Variants in MAP6 observed in about 807,000 individuals in gnomAD.
MAP6 encodes the protein microtubule associated protein 6, also known as microtubule-associated protein 6.
MAP6 carries 26 observed loss-of-function variants against 42.4 expected under a neutral mutation model. The observed-to-expected ratio is 0.61, with a 90% confidence interval of 0.45 to 0.85. The LOEUF is 0.85. Among genes scored for constraint, MAP6 ranks in the 40% least tolerant of loss-of-function variants. The pLI, the probability that MAP6 is intolerant of heterozygous loss-of-function variation, is 0.00. For synonymous variants in MAP6, 418 were observed against 443.8 expected (o/e 0.94, Z 0.73); for missense variants, 966 against 1,099.0 (o/e 0.88, Z 1.71).
chr11:75,657,625 C>A (rs1943773738), intron 1 of MAP6, among the ~76,000 whole-genome samples: 1 of 152,206 alleles, frequency 6.6e-6, no homozygotes, highest in Non-Finnish European at 1.5e-5. Context: ...TGGCTTAAAG[C>A]AACACAGATT....
Position 75,607,430 on chromosome 11 carries a change from A to G in MAP6, c.1119+679T>C, listed in dbSNP as rs142680301. 3.0e-6 allele frequency: 3 copies of G among 985,470 alleles called. No homozygotes were observed. In the African/African-American group the frequency reaches 5.2e-5, roughly 17 times the overall value. The allele number at this position is 985,470 out of a possible 1,614,324, so 61.0% of individuals were successfully genotyped here. On this transcript the variant is annotated intron_variant, in intron 2 of 3. Transcript: ENST00000304771. Reference sequence around the variant, plus strand: ...TTATATGATTCCTGCTTCACCAGCTATATCTCCAACATGCTTCTCCTGATC... The same window carrying G: ...TTATATGATTCCTGCTTCACCAGCTGTATCTCCAACATGCTTCTCCTGATC...
intron 3 of MAP6, among the ~76,000 whole-genome samples, chr11:75,601,521 C>T (rs966902762): frequency 1.3e-5 from 2 of 152,048 alleles, no homozygotes; most frequent in African/African-American, 2.4e-5. Flanking sequence ...GATTTCTACC[C>T]CTGCCTCCCC....
intron 1 of MAP6, among the ~76,000 whole-genome samples, chr11:75,646,158 T>G (rs566246179): frequency 6.6e-6 from 1 of 151,944 alleles, no homozygotes. Context: ...AAAGATTCCA[T>G]AGGAAGGAAG....
At chr11:75,614,036 C>T (rs1294691549) in intron 1 of MAP6, among the ~76,000 whole-genome samples, 1 of 152,222 alleles carries the variant, frequency 6.6e-6, no homozygotes, top group African/African-American at 2.4e-5. Context: ...CCTTCAACTC[C>T]TCCTTTCTGG....
chr11:75,594,499 TCTATCCTCAA>T (rs1178532728), intron 3 of MAP6: 1 of 152,220 alleles, frequency 6.6e-6, no homozygotes, highest in African/African-American at 2.4e-5. Context: ...TCGCTCCGCC[TCTATCCTCAA>T]CCGGACTCTG....
At chr11:75,616,743 A>C (rs1173402275) in intron 1 of MAP6, among the ~76,000 whole-genome samples, 1 of 152,238 alleles carries the variant, frequency 6.6e-6, no homozygotes, top group Non-Finnish European at 1.5e-5. Context: ...GTATGTGTAC[A>C]TGCTTGTGCG....
At position 75,659,838 on chromosome 11, in the gene MAP6, T is replaced by C. The variant is rs117025789; in HGVS notation, c.905+7627A>G. Among the ~76,000 whole-genome samples, 791 of 152,358 alleles carry C rather than the reference T, an allele frequency of 5.2e-3. 2 individuals carry two copies. Among genetic ancestry groups the C allele is most frequent in the Non-Finnish European group, 8.3e-3 (565 of 68,034 alleles). Reference sequence around the variant, plus strand: ...GACATTGAATGATTCTTAGTGATTGTTGATTTAGAACTATCACTGGCTTGA... The same window carrying C: ...GACATTGAATGATTCTTAGTGATTGCTGATTTAGAACTATCACTGGCTTGA... On this transcript the variant is annotated intron_variant, in intron 1 of 3. Coordinates refer to ENST00000304771, the MANE Select transcript of MAP6 (RefSeq NM_033063.2).
In MAP6 at chr11:75,607,205, G is replaced by T. The variant is rs886573952; in HGVS notation, c.1119+904C>A. The T allele has an allele frequency of 4.1e-6, 4 of 984,226 alleles. No individual in the cohort carries two copies. In the African/African-American group the frequency reaches 7.0e-5, roughly 17 times the overall value. 61.0% of individuals were successfully genotyped at this position (984,226 alleles called of 1,614,324 possible). A position where few individuals can be genotyped will look rare whatever the true frequency, so the allele number is the denominator to read the frequency against. The stretch of plus-strand genomic sequence containing the variant: ...AATCCCAGGCAAACTGGGTCGGTTA[G>T]TTACCTTACCCATAAACTGGTCCTG... On this transcript the variant is annotated intron_variant, in intron 2 of 3. Coordinates refer to ENST00000304771, the MANE Select transcript of MAP6 (RefSeq NM_033063.2).
Position 75,608,245 on chromosome 11 carries a change from T to C in MAP6, c.983A>G (p.Asp328Gly). 1 of 1,614,244 alleles carries C rather than the reference T, an allele frequency of 6.2e-7. No individual in the cohort carries two copies. ...KAKPQYKPPDDKMVHETSYSA... is the reference protein window; with the variant it reads ...KAKPQYKPPDGKMVHETSYSA... ...GTAGCTGGTCTCATGAACCATCTTA[T>C]CATCTGGGGGCTTGTACTGGGGCTT... The change falls in exon 2 of 4, where the codon GAT becomes GGT. Residue 328 changes from aspartate (D) to glycine (G), a missense_variant. By Grantham distance (94) the Asp-to-Gly change is moderately conservative. Transcript: ENST00000304771.
Position 75,668,293 on chromosome 11 carries a change from A to C in MAP6, c.77T>G (p.Val26Gly). Residue 26 changes from valine to glycine, a missense_variant, in exon 1 of 4, where the codon GTG becomes GGG. Coordinates refer to ENST00000304771, the MANE Select transcript of MAP6 (RefSeq NM_033063.2). ...WNQLDKADIA[V>G]PLVFTKYSEA... is the part of the protein sequence containing the mutation. ...CGAGTACTTGGTGAAAACCAGCGGC[A>C]CAGCGATGTCCGCTTTGTCCAACTG... 1 of 1,566,562 alleles carries C rather than the reference A, an allele frequency of 6.4e-7. No individual in the cohort carries two copies. Among genetic ancestry groups the C allele is most frequent in the Non-Finnish European group, 8.6e-7 (1 of 1,164,334 alleles).
At chr11:75,621,721 T>A (rs1447241785) in intron 1 of MAP6, among the ~76,000 whole-genome samples, 1 of 152,066 alleles carries the variant, frequency 6.6e-6, no homozygotes, top group Non-Finnish European at 1.5e-5. Flanking sequence ...ATTATTTGCA[T>A]ATAACATAAT....
intron 1 of MAP6, among the ~76,000 whole-genome samples, chr11:75,639,200 T>C (rs894206717): frequency 2.6e-5 from 4 of 152,174 alleles, no homozygotes; most frequent in African/African-American, 9.7e-5. Flanking sequence ...GGCTACAATA[T>C]ACGCTATTTG....
At chr11:75,598,615 T>A (rs1204959390) in intron 3 of MAP6, among the ~76,000 whole-genome samples, 1 of 152,212 alleles carries the variant, frequency 6.6e-6, no homozygotes, top group African/African-American at 2.4e-5. Context: ...CAGTTAATAG[T>A]CAGAGAAGAG....
intron 1 of MAP6, among the ~76,000 whole-genome samples, chr11:75,636,955 G>A (rs1021410588): frequency 1.3e-5 from 2 of 152,126 alleles, no homozygotes; most frequent in African/African-American, 2.4e-5. Context: ...CTCCTGATCC[G>A]CTGGCCTCAC....
chr11:75,645,385 C>G (rs991295553), intron 1 of MAP6, among the ~76,000 whole-genome samples: 1 of 152,070 alleles, frequency 6.6e-6, no homozygotes, highest in Non-Finnish European at 1.5e-5. Flanking sequence ...CACTATCCAT[C>G]AAAACCCTAA....
chr11:75,609,924 GT>G (rs1436952085), intron 1 of MAP6, among the ~76,000 whole-genome samples: 1 of 152,232 alleles, frequency 6.6e-6, no homozygotes, highest in Non-Finnish European at 1.5e-5. Flanking sequence ...AGGTGACTGG[GT>G]AATGAGGGCT....
At chr11:75,637,619 T>C (rs916288923) in intron 1 of MAP6, among the ~76,000 whole-genome samples, 11 of 152,114 alleles carry the variant, frequency 7.2e-5, no homozygotes, top group Non-Finnish European at 1.2e-4. Context: ...AACCCCACCG[T>C]GGATTTGCCA....
Position 75,587,938 on chromosome 11 carries a change from A to T in MAP6, c.1563T>A (p.Val521=). The change falls in exon 4 of 4, where the codon GTT becomes GTA. Residue 521 remains valine, a synonymous_variant. Transcript: ENST00000304771. The part of the protein sequence containing the change: ...VPEPLKNESP[V]ISAPVKDQGP... ...CTTGGTCCTTGACTGGTGCTGAGAT[A>T]ACAGGGCTTTCATTCTTTAAAGGCT... 3 of 1,613,986 alleles carry T rather than the reference A, an allele frequency of 1.9e-6. No homozygotes were observed. The highest frequency in any genetic ancestry group is 2.5e-6 in the Non-Finnish European group (3 of 1,179,966).
rs764942489 is a variant in MAP6, at chr11:75,668,004, C to T, written c.366G>A (p.Arg122=). 8.1e-7 allele frequency: 1 copy of T among 1,239,764 alleles called. No individual in the cohort carries two copies. Among genetic ancestry groups the T allele is most frequent in the South Asian group, 3.6e-5 (1 of 27,744 alleles). 76.8% of individuals were successfully genotyped at this position (1,239,764 alleles called of 1,614,324 possible). ...STSGPADSVM[R]QDYRAWKVQR... ...GCACCTTCCAGGCTCGGTAATCCTG[C>T]CGCATCACCGAGTCCGCGGGGCCGG... The change falls in exon 1 of 4, where the codon CGG becomes CGA. Residue 122 remains arginine, a synonymous_variant. Coordinates refer to ENST00000304771, the MANE Select transcript of MAP6 (RefSeq NM_033063.2).
Sources: allele counts gnomAD v4.1 joint callset (sites outside exome capture counted in the v4.1 genomes callset), GRCh38; gene constraint gnomAD v4.1.1; transcripts MANE v1.5; gene names NCBI Gene and HGNC (gene_info 2026-07-23, HGNC 2026-07-21).